The following CSMD2 variants were observed in gnomAD, a reference collection of about 807,000 sequenced individuals.
The protein encoded by CSMD2 is CUB and sushi domain-containing protein 2.
CSMD2 carries 130 observed loss-of-function variants against 398.5 expected under a neutral mutation model. The ratio of observed to expected loss-of-function variants is 0.33; its 90% CI spans 0.28 to 0.38. The LOEUF is 0.38. Ranked by LOEUF, CSMD2 falls within the 10% of genes least tolerant of loss-of-function variation. The probability of loss-of-function intolerance (pLI) is 1.00; values close to 1 mark genes in which losing one functional copy is unlikely to be tolerated. For missense variants in CSMD2, 3,829 were observed against 4,764.9 expected (o/e 0.80, Z 5.78); for synonymous variants, 1,828 against 1,908.5 (o/e 0.96, Z 1.10).
intron 55 of CSMD2, among the ~76,000 whole-genome samples, chr1:33,552,964 C>A (rs904110899): frequency 1.4e-4 from 22 of 152,224 alleles, no homozygotes; most frequent in African/African-American, 5.3e-4. Flanking sequence ...AGAAAAAATG[C>A]AAATGGATTA....
intron 1 of CSMD2, among the ~76,000 whole-genome samples, chr1:34,157,644 T>C (rs1640933655): frequency 8.0e-6 from 1 of 125,376 alleles, no homozygotes; most frequent in Non-Finnish European, 1.6e-5. Context: ...CCCTGAATAC[T>C]GCACACCCCA....
At chr1:33,998,697 C>T (rs954545520) in intron 3 of CSMD2, among the ~76,000 whole-genome samples, 12 of 152,160 alleles carry the variant, frequency 7.9e-5, no homozygotes, top group African/African-American at 1.4e-4. Flanking sequence ...GGACCAGCTA[C>T]GTAATCAGCA....
At chr1:33,961,424 G>T (rs111596811) in intron 3 of CSMD2, among the ~76,000 whole-genome samples, 1 of 152,226 alleles carries the variant, frequency 6.6e-6, no homozygotes. Context: ...GGAAGGCAAA[G>T]GAGGCCAGTA....
At chr1:33,848,234 T>G (rs1279028923) in intron 5 of CSMD2, among the ~76,000 whole-genome samples, 2 of 152,136 alleles carry the variant, frequency 1.3e-5, no homozygotes, top group African/African-American at 2.4e-5. Flanking sequence ...TTGTTACCAC[T>G]CCCAATCCTG....
intron 3 of CSMD2, among the ~76,000 whole-genome samples, chr1:33,955,391 G>A (rs1645134903): frequency 1.3e-5 from 2 of 152,044 alleles, no homozygotes. Context: ...GCTTATTCCA[G>A]GAAATAATTA....
At chr1:33,706,859 G>A (rs930395943) in intron 22 of CSMD2, among the ~76,000 whole-genome samples, 3 of 134,920 alleles carry the variant, frequency 2.2e-5, no homozygotes, top group African/African-American at 5.0e-5. Context: ...CATTGTGTGC[G>A]TGTGCATGTG....
At chr1:33,814,321 T>C (rs1449037538) in intron 9 of CSMD2, 1 of 152,220 alleles carries the variant, frequency 6.6e-6, no homozygotes, top group East Asian at 1.9e-4. Flanking sequence ...AGTAGGAAGA[T>C]GAATGTCTAT....
chr1:33,698,725 G>C (rs1364481151), intron 24 of CSMD2, 28 bp downstream of exon 24: 14 of 1,595,110 alleles, frequency 8.8e-6, no homozygotes, highest in Non-Finnish European at 1.2e-5. Context: ...AGACCCAAGG[G>C]TTCCCTGCAG....
intron 22 of CSMD2, among the ~76,000 whole-genome samples, chr1:33,702,468 A>T (rs1297299455): frequency 6.6e-6 from 1 of 152,178 alleles, no homozygotes; most frequent in Non-Finnish European, 1.5e-5. Context: ...TTGCAGAAAA[A>T]CTTATAAAAC....
chr1:33,993,709 T>C lies in CSMD2; in HGVS notation c.517+38885A>G, dbSNP rs1646635841. 2.0e-5 allele frequency among the ~76,000 whole-genome samples: 3 copies of C among 152,310 alleles called. No individual in the cohort carries two copies. The South Asian group carries it at 6.2e-4, about 32-fold the overall frequency. Reference sequence around the variant, plus strand: ...ATTCATAACTCTATACTATCTAGTTTCTATCTATTCCTATCACATTAAGGA... The same window carrying C: ...ATTCATAACTCTATACTATCTAGTTCCTATCTATTCCTATCACATTAAGGA... On this transcript the variant is annotated intron_variant, in intron 3 of 70. Transcript: ENST00000373381.
chr1:33,542,659 C>T, intron 58 of CSMD2, 61 bp downstream of exon 58: 1 of 1,484,662 alleles, frequency 6.7e-7, no homozygotes, highest in Non-Finnish European at 9.2e-7. Flanking sequence ...TAGCCTTCTC[C>T]TCTGGCATGC....
intron 12 of CSMD2, among the ~76,000 whole-genome samples, chr1:33,779,202 C>T (rs1248285868): frequency 6.6e-6 from 1 of 152,132 alleles, no homozygotes; most frequent in Non-Finnish European, 1.5e-5. Flanking sequence ...ACCCCTCCCA[C>T]CCCAGCCTGC....
intron 1 of CSMD2, among the ~76,000 whole-genome samples, chr1:34,103,587 G>A (rs1036999331): frequency 3.3e-5 from 5 of 152,142 alleles, no homozygotes; most frequent in East Asian, 1.9e-4. Context: ...GAGCCACTGC[G>A]TCCGACCCTC....
chr1:33,804,918 T>A, intron 10 of CSMD2: 1 of 717,026 alleles, frequency 1.4e-6, no homozygotes, highest in Non-Finnish European at 2.6e-6. Context: ...GATAGGGTTC[T>A]CTTCAGCCTT....
At chr1:33,762,759 A>G (rs186226213) in intron 13 of CSMD2, among the ~76,000 whole-genome samples, 7 of 152,288 alleles carry the variant, frequency 4.6e-5, no homozygotes, top group African/African-American at 1.7e-4. Context: ...GACTGCTTTA[A>G]AATAAAAGCA....
intron 1 of CSMD2, among the ~76,000 whole-genome samples, chr1:34,095,868 C>G (rs1659235246): frequency 6.6e-6 from 1 of 151,772 alleles, no homozygotes; most frequent in Non-Finnish European, 1.5e-5. Flanking sequence ...TGAAACTATT[C>G]CAATCAATAG....
chr1:34,071,959 TA>T (rs1359608622), intron 2 of CSMD2, among the ~76,000 whole-genome samples: 2 of 152,200 alleles, frequency 1.3e-5, no homozygotes, highest in African/African-American at 4.8e-5. Flanking sequence ...TAAATCCTCA[TA>T]TTGTAAGTCA....
chr1:33,725,318 C>T lies in CSMD2; in HGVS notation c.2695+31G>A, dbSNP rs773392754. 5.0e-6 allele frequency: 8 copies of T among 1,604,334 alleles called. No individual in the cohort carries two copies. The South Asian group carries it at 7.7e-5, about 16-fold the overall frequency. Reference sequence around the variant, plus strand: ...TTTGACCCACCTGGGCTGACCTTGTCATCCCTTTTCCTGAGCCCACTGAGA... The same window carrying T: ...TTTGACCCACCTGGGCTGACCTTGTTATCCCTTTTCCTGAGCCCACTGAGA... On this transcript the variant is annotated intron_variant, in intron 17 of 70. Coordinates refer to ENST00000373381, the MANE Select transcript of CSMD2 (RefSeq NM_001281956.2).
chr1:33,894,654 C>A (rs372681593), intron 5 of CSMD2, among the ~76,000 whole-genome samples: 33 of 152,342 alleles, frequency 2.2e-4, no homozygotes, highest in African/African-American at 6.7e-4. Context: ...TTATGTCCCT[C>A]TTATCTGCTA....
Sources: allele counts gnomAD v4.1 joint callset (sites outside exome capture counted in the v4.1 genomes callset), GRCh38; gene constraint gnomAD v4.1.1; transcripts MANE v1.5; gene names NCBI Gene and HGNC (gene_info 2026-07-23, HGNC 2026-07-21).